Variants in SCAF8 observed in about 807,000 individuals in gnomAD.
SCAF8 encodes SR-related and CTD-associated factor 8.
Under a neutral mutation model 140.5 loss-of-function variants are expected in SCAF8, and 23 were observed. The ratio of observed to expected loss-of-function variants is 0.16; its 90% CI spans 0.12 to 0.23. The LOEUF (loss-of-function observed/expected upper bound fraction) is 0.23, where lower values mean the gene tolerates loss of function less well. Ranked by LOEUF, SCAF8 falls within the 10% of genes least tolerant of loss-of-function variation. The probability of loss-of-function intolerance (pLI) is 1.00; values close to 1 mark genes in which losing one functional copy is unlikely to be tolerated. For missense variants in SCAF8, 1,397 were observed against 1,555.7 expected (o/e 0.90, Z 1.72); for synonymous variants, 575 against 528.9 (o/e 1.09, Z -1.20).
chr6:154,733,983 G>C, intron 1 of SCAF8, 53 bp downstream of exon 1: 2 of 1,474,904 alleles, frequency 1.4e-6, no homozygotes, highest in Non-Finnish European at 1.8e-6. Context: ...CCCCACCCCT[G>C]GTCGAGGCCG....
Position 154,774,067 on chromosome 6 carries a change from A to G in SCAF8, c.109A>G (p.Ile37Val), listed in dbSNP as rs1460263104. 1.2e-6 allele frequency: 2 copies of G among 1,601,380 alleles called. No individual in the cohort carries two copies. Among genetic ancestry groups the G allele is most frequent in the Non-Finnish European group, 1.7e-6 (2 of 1,168,888 alleles). ...AATTACTAAGGCAGCCATCAAAGCT[A>G]TTAAGGTGAGTAATAAATTTTACTC... ...TQITKAAIKA[I>V]KFYKHVVQSV... Residue 37 changes from isoleucine (I) to valine (V), a missense_variant, in exon 2 of 20, where the codon ATT (isoleucine) becomes GTT (valine). By Grantham distance (29) the Ile-to-Val change is conservative. Coordinates refer to ENST00000367178, the MANE Select transcript of SCAF8 (RefSeq NM_014892.5).
At chr6:154,735,499 GC>G (rs2114781511) in intron 1 of SCAF8, among the ~76,000 whole-genome samples, 1 of 147,932 alleles carries the variant, frequency 6.8e-6, no homozygotes, top group East Asian at 2.0e-4. Flanking sequence ...ATAAATTAGA[GC>G]AATAGACTTG....
chr6:154,808,947 C>T, intron 11 of SCAF8, 149 bp downstream of exon 11: 1 of 605,550 alleles, frequency 1.7e-6, no homozygotes, highest in Non-Finnish European at 2.9e-6. Flanking sequence ...AACAAGATAA[C>T]CTTTGTTCTG....
intron 1 of SCAF8, among the ~76,000 whole-genome samples, chr6:154,767,269 T>C (rs1448165347): frequency 6.6e-6 from 1 of 152,174 alleles, no homozygotes; most frequent in Non-Finnish European, 1.5e-5. Context: ...GCAGTCCTGA[T>C]TATAAGCCTG....
chr6:154,795,997 G>T (rs1777591139), intron 6 of SCAF8, among the ~76,000 whole-genome samples: 1 of 152,016 alleles, frequency 6.6e-6, no homozygotes, highest in Admixed American at 6.6e-5. Flanking sequence ...GTTTTCAGCT[G>T]ATTTTCTTTC....
intron 15 of SCAF8, among the ~76,000 whole-genome samples, chr6:154,820,735 A>T (rs1441994121): frequency 3.3e-5 from 5 of 152,198 alleles, no homozygotes; most frequent in South Asian, 2.1e-4. Flanking sequence ...ATAGAATCGT[A>T]GTTTAGGGAG....
intron 9 of SCAF8, among the ~76,000 whole-genome samples, chr6:154,805,923 A>G (rs879436586): frequency 2.0e-5 from 3 of 152,116 alleles, no homozygotes; most frequent in Non-Finnish European, 1.5e-5. Context: ...AATTTTTAAA[A>G]CGTATTTGCT....
At chr6:154,784,120 G>GAGAGATAT (rs1362230678) in intron 3 of SCAF8, among the ~76,000 whole-genome samples, 73 of 106,836 alleles carry the variant, frequency 6.8e-4, no homozygotes, top group Non-Finnish European at 1.2e-3. Context: ...GGTGTCTTGA[G>GAGAGATAT]ATATATATAT....
At chr6:154,770,066 A>C (rs571450710) in intron 1 of SCAF8, among the ~76,000 whole-genome samples, 8 of 152,302 alleles carry the variant, frequency 5.3e-5, no homozygotes, top group African/African-American at 1.9e-4. Flanking sequence ...GGTAGGAATA[A>C]AGGGCATGAA....
intron 8 of SCAF8, among the ~76,000 whole-genome samples, chr6:154,804,647 T>C (rs1777862773): frequency 6.6e-6 from 1 of 152,222 alleles, no homozygotes; most frequent in African/African-American, 2.4e-5. Context: ...TTTTCATTAT[T>C]TGAAGACAGG....
intron 1 of SCAF8, among the ~76,000 whole-genome samples, chr6:154,756,111 A>T (rs1031026728): frequency 1.3e-5 from 2 of 152,228 alleles, no homozygotes; most frequent in African/African-American, 4.8e-5. Context: ...ACACTAAATT[A>T]TGTCATTAGA....
chr6:154,767,035 A>C (rs1776594640), intron 1 of SCAF8, among the ~76,000 whole-genome samples: 1 of 152,098 alleles, frequency 6.6e-6, no homozygotes, highest in Non-Finnish European at 1.5e-5. Flanking sequence ...GCATGGAGTT[A>C]TGGTTGACCA....
chr6:154,768,491 A>C (rs1212799664), intron 1 of SCAF8, among the ~76,000 whole-genome samples: 1 of 152,246 alleles, frequency 6.6e-6, no homozygotes, highest in Non-Finnish European at 1.5e-5. Flanking sequence ...TCACTGCAAT[A>C]GCAAGAGAAG....
intron 3 of SCAF8, among the ~76,000 whole-genome samples, chr6:154,778,695 C>T (rs931964144): frequency 2.0e-5 from 3 of 151,398 alleles, no homozygotes; most frequent in East Asian, 1.9e-4. Context: ...ACCCAGGGGG[C>T]GGAGGTTGTA....
chr6:154,735,519 C>CTTTTTTTTTTT (rs11406318), intron 1 of SCAF8, among the ~76,000 whole-genome samples: 1 of 135,532 alleles, frequency 7.4e-6, no homozygotes. Context: ...TGGGAATCTT[C>CTTTTTTTTTTT]TTTTTTTTTT....
chr6:154,766,669 C>CCCTT (rs1554258917), intron 1 of SCAF8, among the ~76,000 whole-genome samples: 19 of 82,416 alleles, frequency 2.3e-4, no homozygotes, highest in Non-Finnish European at 2.6e-4. Flanking sequence ...ACCCCCCCCC[C>CCCTT]TTTTTTTTTT....
chr6:154,799,996 G>C (rs1236163338), intron 6 of SCAF8, among the ~76,000 whole-genome samples: 1 of 151,196 alleles, frequency 6.6e-6, no homozygotes, highest in Non-Finnish European at 1.5e-5. Flanking sequence ...TTGTTGGCCA[G>C]GCTGGTCTCA....
Position 154,811,884 on chromosome 6 carries a change from C to A in SCAF8, c.1420+1676C>A, listed in dbSNP as rs181360120. On this transcript the variant is annotated intron_variant, in intron 12 of 19. Transcript: ENST00000367178. ...GACATGAACTCATCCTTTTTTATGG[C>A]TGCATAGTATTCCATAGTGTATATG... Among the ~76,000 whole-genome samples, 434 of 152,196 alleles carry A rather than the reference C, an allele frequency of 2.9e-3. 3 individuals carry two copies. The highest frequency in any genetic ancestry group is 0.01 in the African/African-American group (424 of 41,528).
intron 4 of SCAF8, 52 bp from the exon 5 acceptor site, chr6:154,792,771 A>G (rs1777461407): frequency 2.3e-6 from 3 of 1,333,100 alleles, no homozygotes; most frequent in South Asian, 2.9e-5. Context: ...AAATGACTGT[A>G]CTAAGGTTTT....
Sources: allele counts gnomAD v4.1 joint callset (sites outside exome capture counted in the v4.1 genomes callset), GRCh38; gene constraint gnomAD v4.1.1; transcripts MANE v1.5; gene names NCBI Gene and HGNC (gene_info 2026-07-23, HGNC 2026-07-21).